Variants in MEGF6 observed in about 807,000 individuals in gnomAD.
MEGF6 encodes the protein multiple EGF like domains 6, also known as multiple epidermal growth factor-like domains protein 6.
Under a neutral mutation model 207.1 loss-of-function variants are expected in MEGF6, and 184 were observed. The observed-to-expected ratio is 0.89, with a 90% CI of 0.79 to 1.00. MEGF6 has a LOEUF of 1.00. MEGF6 is among the 50% of genes least tolerant of loss of function. The pLI, the probability that MEGF6 is intolerant of heterozygous loss-of-function variation, is 0.00. For missense variants in MEGF6, 2,282 were observed against 2,202.9 expected (o/e 1.04, Z -0.72); for synonymous variants, 1,038 against 910.0 (o/e 1.14, Z -2.53).
At position 3,499,824 on chromosome 1, in the gene MEGF6, G is replaced by A. The variant is rs61998191; in HGVS notation, c.2808C>T (p.Ala936=). The A allele has an allele frequency of 2.0e-3, 3,159 of 1,553,812 alleles. 45 individuals are homozygous for A. In the African/African-American group the frequency reaches 0.037, roughly 18 times the overall value. The change falls in exon 22 of 37, where the codon GCC becomes GCT. Residue 936 remains alanine (A), a synonymous_variant. Coordinates refer to ENST00000356575, the MANE Select transcript of MEGF6 (RefSeq NM_001409.4). The part of the protein sequence containing the change: ...DHVSGACTCP[A]GWRGTFCEHA... Reference sequence around the variant, plus strand: ...GCTCGCAGAAGGTGCCCCTCCAGCCGGCCGGGCAGGTGCAGGCCCCGCTGA... The same window carrying A: ...GCTCGCAGAAGGTGCCCCTCCAGCCAGCCGGGCAGGTGCAGGCCCCGCTGA...
chr1:3,574,512 T>G (rs1173508723), intron 4 of MEGF6, among the ~76,000 whole-genome samples: 1 of 104,120 alleles, frequency 9.6e-6, no homozygotes, highest in Non-Finnish European at 1.8e-5. Context: ...GACCCAGGAG[T>G]GAGGGTGGCA....
chr1:3,557,812 C>T (rs957268158), intron 4 of MEGF6, among the ~76,000 whole-genome samples: 8 of 152,222 alleles, frequency 5.3e-5, no homozygotes, highest in South Asian at 2.1e-4. Flanking sequence ...CGTGGGCAGA[C>T]GTCGTTTGCA....
intron 1 of MEGF6, among the ~76,000 whole-genome samples, chr1:3,607,337 C>T (rs533793554): frequency 2.8e-4 from 42 of 152,282 alleles, no homozygotes; most frequent in Middle Eastern, 3.4e-3. Flanking sequence ...CTCCCCTTCA[C>T]GGCTCTCCCC....
rs34860893 is a variant in MEGF6, at chr1:3,590,396, ACCC to A, written c.376+4939_376+4941del. ...CAGAGAATCCATGAGCAGGAAGGACACCCCCCCAGCAAGAGGAGTGGGTCCGAA... is the reference window on the plus strand; with the variant it reads ...CAGAGAATCCATGAGCAGGAAGGACACCCCAGCAAGAGGAGTGGGTCCGAA... On this transcript the variant is annotated intron_variant, in intron 3 of 36. Transcript: ENST00000356575. Among the ~76,000 whole-genome samples, 6 of 151,474 alleles carry A rather than the reference ACCC, an allele frequency of 4.0e-5. No individual in the cohort carries two copies. In the South Asian group the frequency reaches 1.3e-3, roughly 32 times the overall value.
chr1:3,602,702 G>A, intron 1 of MEGF6, 102 bp from the exon 2 acceptor site: 1 of 1,452,448 alleles, frequency 6.9e-7, no homozygotes, highest in Admixed American at 2.4e-5. Context: ...TCTGGAGTGA[G>A]GTCCAGACCC....
Position 3,494,703 on chromosome 1 carries a change from T to C in MEGF6, c.3910A>G (p.Thr1304Ala). The C allele has an allele frequency of 1.3e-6, 2 of 1,585,918 alleles. No individual in the cohort carries two copies. The highest frequency in any genetic ancestry group is 1.7e-6 in the Non-Finnish European group (2 of 1,167,646). Residue 1304 changes from threonine to alanine, a missense_variant, in exon 31 of 37, where the codon ACC becomes GCC. Thr to Ala is a moderately conservative substitution (Grantham distance 58, BLOSUM62 0). Transcript: ENST00000356575. The stretch of plus-strand genomic sequence containing the variant: ...AGGCCCCCATTTCTGCAGGAGCAGG[T>C]GTGCTCGCAGCCCACGCCAAACCGG... The part of the protein sequence containing the change: ...QNRFGVGCEH[T>A]CSCRNGGLCH...
rs1423385273 is a variant in MEGF6, at chr1:3,594,289, C to T, written c.376+1049G>A. Reference sequence around the variant, plus strand: ...ACAAAAAATACAATAATTATTCAAGCGTGGTGGTGCACACCTACAGTCTCA... The same window carrying T: ...ACAAAAAATACAATAATTATTCAAGTGTGGTGGTGCACACCTACAGTCTCA... On this transcript the variant is annotated intron_variant, in intron 3 of 36. Coordinates refer to ENST00000356575, the MANE Select transcript of MEGF6 (RefSeq NM_001409.4). The surrounding 1 kb of genome is among the most constrained non-coding windows in gnomAD (Gnocchi z 4.2). Among the ~76,000 whole-genome samples, 1 of 152,144 alleles carries T rather than the reference C, an allele frequency of 6.6e-6. No homozygotes were observed. Among genetic ancestry groups the T allele is most frequent in the East Asian group, 1.9e-4 (1 of 5,180 alleles).
intron 4 of MEGF6, among the ~76,000 whole-genome samples, chr1:3,566,213 G>A (rs1643339992): frequency 5.3e-5 from 8 of 152,212 alleles, no homozygotes; most frequent in Admixed American, 3.3e-4. Context: ...CCGGGCCAGA[G>A]GGCCGGGCCC....
At chr1:3,567,525 C>T (rs1047547212) in intron 4 of MEGF6, among the ~76,000 whole-genome samples, 1 of 150,596 alleles carries the variant, frequency 6.6e-6, no homozygotes, top group South Asian at 2.1e-4. Context: ...CCAGCATGGA[C>T]ATGCCCCCCC....
intron 34 of MEGF6, 108 bp downstream of exon 34, chr1:3,493,663 G>A: frequency 1.4e-6 from 2 of 1,436,468 alleles, no homozygotes. Flanking sequence ...GCAACAAGAG[G>A]GGTTGGTGGC....
At chr1:3,595,208 G>A (rs948654336) in intron 3 of MEGF6, 130 bp downstream of exon 3, 6 of 628,742 alleles carry the variant, frequency 9.5e-6, no homozygotes, top group African/African-American at 3.7e-5. Flanking sequence ...GTTGCTGAGC[G>A]AGTGTTCCCT....
At position 3,490,479 on chromosome 1, in the gene MEGF6, G is replaced by A. The variant is rs2794321; in HGVS notation, c.*49C>T. The A allele has an allele frequency of 1.9e-6, 3 of 1,600,408 alleles. No individual in the cohort carries two copies. Among genetic ancestry groups the A allele is most frequent in the South Asian group, 1.1e-5 (1 of 90,580 alleles). ...TTCTCAGTGGTCACCAAAGGCCAGGGTCCCCTCTGGCTGGGACTGGAGAGG... is the reference window on the plus strand; with the variant it reads ...TTCTCAGTGGTCACCAAAGGCCAGGATCCCCTCTGGCTGGGACTGGAGAGG... On this transcript the variant is annotated 3_prime_UTR_variant, in exon 37 of 37. Transcript: ENST00000356575.
chr1:3,578,905 C>G (rs56044258), intron 4 of MEGF6, among the ~76,000 whole-genome samples: 86,527 of 103,138 alleles, frequency 0.84, 36,255 homozygotes, highest in Middle Eastern at 0.87. Flanking sequence ...GCCCCCAGCG[C>G]AACGTGGAGT....
chr1:3,602,676 C>T, intron 1 of MEGF6, 76 bp from the exon 2 acceptor site: 8 of 1,528,456 alleles, frequency 5.2e-6, no homozygotes, highest in Non-Finnish European at 7.0e-6. Context: ...CACCCCCAGC[C>T]TTGGGTGTCA....
intron 17 of MEGF6, among the ~76,000 whole-genome samples, chr1:3,502,458 T>C (rs1289001315): frequency 6.6e-6 from 1 of 152,114 alleles, no homozygotes; most frequent in African/African-American, 2.4e-5. Flanking sequence ...CTCCAGGGAC[T>C]CGGCCCGAGG....
chr1:3,587,073 C>T (rs572596850), intron 3 of MEGF6, among the ~76,000 whole-genome samples: 15 of 152,386 alleles, frequency 9.8e-5, no homozygotes, highest in African/African-American at 1.9e-4. Context: ...ACATAAGTAA[C>T]TCCATCTTAG....
intron 13 of MEGF6, 109 bp from the exon 14 acceptor site, chr1:3,508,032 T>C: frequency 8.0e-7 from 1 of 1,255,974 alleles, no homozygotes; most frequent in Non-Finnish European, 1.1e-6. Flanking sequence ...AGAGATAAAA[T>C]GATGGCACTT....
chr1:3,492,581 A>G (rs1334848828), intron 35 of MEGF6, 58 bp downstream of exon 35: 1 of 1,591,176 alleles, frequency 6.3e-7, no homozygotes, highest in African/African-American at 1.3e-5. Flanking sequence ...GCCAGGGTGG[A>G]GCTGAGGCTG....
chr1:3,530,579 T>A (rs890487301), intron 4 of MEGF6, among the ~76,000 whole-genome samples: 2 of 152,132 alleles, frequency 1.3e-5, no homozygotes, highest in African/African-American at 4.8e-5. Context: ...AGCAGGGCTG[T>A]AACCTGCTTC....
Sources: allele counts gnomAD v4.1 joint callset (sites outside exome capture counted in the v4.1 genomes callset), GRCh38; gene constraint gnomAD v4.1.1; non-coding constraint Gnocchi (gnomAD v3.1); transcripts MANE v1.5; gene names NCBI Gene and HGNC (gene_info 2026-07-23, HGNC 2026-07-21).